Variants in MAP3K5 observed in about 807,000 individuals in gnomAD.
MAP3K5 encodes the protein ASK-1.
In MAP3K5, 56 loss-of-function variants were observed where a neutral mutation model predicts 158.7. The ratio of observed to expected loss-of-function variants is 0.35; its 90% CI spans 0.28 to 0.44. The LOEUF (loss-of-function observed/expected upper bound fraction) is 0.44, where lower values mean the gene tolerates loss of function less well. MAP3K5 is among the 20% of genes least tolerant of loss of function. The pLI, the probability that MAP3K5 is intolerant of heterozygous loss-of-function variation, is 1.00. For missense variants in MAP3K5, 1,294 were observed against 1,674.8 expected, an observed-to-expected ratio of 0.77 and a Z score of 3.97; for synonymous variants, 579 against 601.7, an observed-to-expected ratio of 0.96 and a Z score of 0.55.
Position 136,592,590 on chromosome 6 carries a change from G to A in MAP3K5, c.2903C>T (p.Pro968Leu), listed in dbSNP as rs764549591. The A allele has an allele frequency of 9.3e-6, 15 of 1,613,728 alleles. No individual in the cohort carries two copies. The highest frequency in any genetic ancestry group is 1.2e-5 in the Non-Finnish European group (14 of 1,179,954). Residue 968 changes from proline to leucine, a missense_variant, in exon 22 of 30, where the codon CCG becomes CTG. Pro to Leu is a moderately conservative substitution (Grantham distance 98). Around this residue, in one of 5 missense-constraint regions of MAP3K5, gnomAD observed 362 missense variants for 463.2 expected, o/e 0.78. Coordinates refer to ENST00000359015, the MANE Select transcript of MAP3K5 (RefSeq NM_005923.4). ...SNEYLRSISL[P>L]VPVLVEDTSS... ...GGTGTCCTCCACCAGCACAGGTACC[G>A]GCAAGGATATACTCCTGAGATATTC...
At chr6:136,641,699 G>A (rs888109930) in intron 12 of MAP3K5, among the ~76,000 whole-genome samples, 1 of 150,276 alleles carries the variant, frequency 6.7e-6, no homozygotes, top group Non-Finnish European at 1.5e-5. Context: ...ATTAGTGTTA[G>A]TGACAGGGGC....
intron 15 of MAP3K5, among the ~76,000 whole-genome samples, chr6:136,619,996 G>C (rs539687677): frequency 7.2e-5 from 11 of 152,350 alleles, no homozygotes; most frequent in Admixed American, 7.2e-4. Flanking sequence ...ACGGCCTGGC[G>C]TGGTGGCTCA....
Position 136,617,031 on chromosome 6 carries a change from T to C in MAP3K5, c.2151-2745A>G, listed in dbSNP as rs553371271. On this transcript the variant is annotated intron_variant, in intron 15 of 29. Coordinates refer to ENST00000359015, the MANE Select transcript of MAP3K5 (RefSeq NM_005923.4). Reference sequence around the variant, plus strand: ...CCATACCGGGCCCTCAGTTAATTATTAATCAAAAGACTCCCACCTCCTGAT... The same window carrying C: ...CCATACCGGGCCCTCAGTTAATTATCAATCAAAAGACTCCCACCTCCTGAT... Among the ~76,000 whole-genome samples, 3 of 152,262 alleles carry C rather than the reference T, an allele frequency of 2.0e-5. No individual in the cohort carries two copies. In the South Asian group the frequency reaches 6.2e-4, roughly 32 times the overall value.
chr6:136,645,029 A>G (rs1778180224), intron 11 of MAP3K5, among the ~76,000 whole-genome samples: 1 of 152,144 alleles, frequency 6.6e-6, no homozygotes, highest in Non-Finnish European at 1.5e-5. Flanking sequence ...CCTAGGCTCA[A>G]GCAATCCTCC....
Position 136,792,014 on chromosome 6 carries a change from C to A in MAP3K5, c.144G>T (p.Pro48=). Residue 48 remains proline (P), a synonymous_variant, in exon 1 of 30, where the codon CCG becomes CCT. Coordinates refer to ENST00000359015, the MANE Select transcript of MAP3K5 (RefSeq NM_005923.4). This position sits in a 1 kb window ranked among gnomAD's most constrained non-coding sequence, Gnocchi z 5.7. ...VGEGEEHQLP[P]PPPGSFWNVE... ...CGTTCCAGAAGCTGCCCGGCGGCGG[C>A]GGTGGCAGCTGGTGCTCCTCGCCCT... The A allele has an allele frequency of 6.3e-7, 1 of 1,578,366 alleles. No individual in the cohort carries two copies. Among genetic ancestry groups the A allele is most frequent in the South Asian group, 1.1e-5 (1 of 88,582 alleles).
intron 7 of MAP3K5, among the ~76,000 whole-genome samples, chr6:136,688,798 T>C (rs1247097150): frequency 6.6e-6 from 1 of 152,216 alleles, no homozygotes; most frequent in East Asian, 1.9e-4. Flanking sequence ...ATGTTTTTTA[T>C]CTTAATTCAT....
chr6:136,639,457 T>A (rs1777814582), intron 13 of MAP3K5, 86 bp downstream of exon 13: 1 of 681,590 alleles, frequency 1.5e-6, no homozygotes, highest in Non-Finnish European at 2.5e-6. Context: ...CCATGCATTC[T>A]TCACAGGAGG....
intron 1 of MAP3K5, among the ~76,000 whole-genome samples, chr6:136,733,166 T>C (rs1260811679): frequency 2.0e-5 from 3 of 152,134 alleles, no homozygotes; most frequent in Admixed American, 1.3e-4. Context: ...GCCCAGCTAA[T>C]TCTATTTATT....
rs559116116 is a variant in MAP3K5 at position 136,609,691 on chromosome 6, G to A, written c.2521+1591C>T. 4.4e-4 allele frequency among the ~76,000 whole-genome samples: 67 copies of A among 151,912 alleles called. No homozygotes were observed. Among genetic ancestry groups the A allele is most frequent in the Non-Finnish European group, 7.6e-4 (52 of 67,982 alleles). The stretch of plus-strand genomic sequence containing the variant: ...TGCCTATGGTCCCAGCTACTAGGGA[G>A]GCTGAGGTAGGAGAATCACTTGAGC... On this transcript the variant is annotated intron_variant, in intron 18 of 29. Coordinates refer to ENST00000359015, the MANE Select transcript of MAP3K5 (RefSeq NM_005923.4). This position sits in a 1 kb window ranked among gnomAD's most constrained non-coding sequence, Gnocchi z 4.4.
intron 21 of MAP3K5, 65 bp from the exon 22 acceptor site, chr6:136,592,679 C>A (rs1340046828): frequency 3.0e-6 from 4 of 1,339,080 alleles, no homozygotes; most frequent in Non-Finnish European, 4.3e-6. Context: ...TACTGAAACA[C>A]CCATTGAAAG....
At chr6:136,656,037 G>A in intron 10 of MAP3K5, 1 of 383,276 alleles carries the variant, frequency 2.6e-6, no homozygotes, top group Middle Eastern at 7.9e-4. Flanking sequence ...GACAGTCTTT[G>A]CATTGCTTAG....
chr6:136,558,958 G>T, intron 28 of MAP3K5, 82 bp from the exon 29 acceptor site: 2 of 733,678 alleles, frequency 2.7e-6, no homozygotes, highest in South Asian at 1.6e-5. Flanking sequence ...TGTAAACCTT[G>T]ACTATAATTA....
chr6:136,558,450 G>A (rs554966488), intron 29 of MAP3K5, among the ~76,000 whole-genome samples: 1 of 151,822 alleles, frequency 6.6e-6, no homozygotes, highest in African/African-American at 2.4e-5. Context: ...CCAGGTTTTT[G>A]GAGGGCAAGT....
intron 2 of MAP3K5, among the ~76,000 whole-genome samples, chr6:136,718,123 T>C (rs1025764046): frequency 1.3e-5 from 2 of 152,222 alleles, no homozygotes; most frequent in African/African-American, 4.8e-5. Flanking sequence ...TTGAATTTCT[T>C]TGAGCTTCGG....
Position 136,601,032 on chromosome 6 carries a change from A to G in MAP3K5, c.2868T>C (p.Ala956=), listed in dbSNP as rs1775851152. ...TAAAAACAAACTCACCATTTGATCC[A>G]GCTGAAAGAGCTGTGGAAAGAAAAG... is the stretch of plus-strand genomic sequence containing the variant. ...KTQPKLSALS[A]GSNEYLRSIS... is the part of the protein sequence containing the mutation. Residue 956 remains alanine, a synonymous_variant, in exon 21 of 30, where the codon GCT becomes GCC. Coordinates refer to ENST00000359015, the MANE Select transcript of MAP3K5 (RefSeq NM_005923.4). 2 of 1,613,950 alleles carry G rather than the reference A, an allele frequency of 1.2e-6. No homozygotes were observed. The highest frequency in any genetic ancestry group is 2.7e-5 in the African/African-American group (2 of 75,034).
chr6:136,709,314 T>C (rs983401852), intron 2 of MAP3K5, among the ~76,000 whole-genome samples: 1 of 152,194 alleles, frequency 6.6e-6, no homozygotes, highest in Non-Finnish European at 1.5e-5. Flanking sequence ...ATATGTAAGA[T>C]ATGGCTCTGC....
chr6:136,606,937 C>A (rs951772552), intron 18 of MAP3K5, among the ~76,000 whole-genome samples: 2 of 152,194 alleles, frequency 1.3e-5, no homozygotes, highest in East Asian at 3.8e-4. Context: ...TTATGTATTG[C>A]AGTCTTTCTA....
At chr6:136,687,479 G>T (rs976141972) in intron 7 of MAP3K5, among the ~76,000 whole-genome samples, 16 of 152,058 alleles carry the variant, frequency 1.1e-4, no homozygotes, top group African/African-American at 3.6e-4. Flanking sequence ...CCATCAGAAT[G>T]AACAGGAAAC....
chr6:136,574,985 G>A (rs907447180), intron 25 of MAP3K5, among the ~76,000 whole-genome samples: 6 of 151,820 alleles, frequency 4.0e-5, no homozygotes, highest in Admixed American at 6.6e-5. Context: ...CACCGCGCCC[G>A]GCCTAAACAC....
Sources: gnomAD v4.1 joint callset for allele counts (sites outside exome capture counted in the v4.1 genomes callset) on GRCh38, gnomAD v4.1.1 for gene constraint, gnomAD v4.1.1 regional missense constraint, Gnocchi (gnomAD v3.1) non-coding constraint, MANE v1.5 for transcripts, NCBI Gene and HGNC (gene_info 2026-07-23, HGNC 2026-07-21) for gene names.